The following CASD1 variants were observed in gnomAD, a reference collection of about 807,000 sequenced individuals.
CASD1 encodes N-acetylneuraminate (7)9-O-acetyltransferase.
CASD1 carries 41 observed loss-of-function variants against 100.0 expected under a neutral mutation model. The ratio of observed to expected loss-of-function variants is 0.41; its 90% confidence interval spans 0.32 to 0.53. CASD1 has a LOEUF of 0.53. Among genes scored for constraint, CASD1 ranks in the 20% least tolerant of loss-of-function variants. The pLI, the probability that CASD1 is intolerant of heterozygous loss-of-function variation, is 0.25. For synonymous variants in CASD1, 321 were observed against 315.6 expected, an observed-to-expected ratio of 1.02 and a Z score of -0.18; for missense variants, 774 against 948.7, an observed-to-expected ratio of 0.82 and a Z score of 2.42.
the CASD1 span, among the ~76,000 whole-genome samples, chr7:94,579,364 A>T: frequency 1.3e-5 from 2 of 152,156 alleles, no homozygotes; most frequent in Admixed American, 6.5e-5. Flanking sequence ...TCACATAAAA[A>T]TTAAACATAA....
At chr7:94,628,094 C>A in the CASD1 span, 3 of 780,454 alleles carry the variant, frequency 3.8e-6, no homozygotes, top group Admixed American at 4.2e-5. Context: ...TAAAAACCAC[C>A]ATCAGGTAAC....
chr7:94,583,246 AT>A, the CASD1 span, among the ~76,000 whole-genome samples: 23 of 152,250 alleles, frequency 1.5e-4, no homozygotes, highest in African/African-American at 5.5e-4. Flanking sequence ...TGAATTTTTA[AT>A]GCATACTTTG....
the CASD1 span, chr7:94,619,870 C>T: frequency 4.6e-5 from 7 of 152,074 alleles, no homozygotes; most frequent in Non-Finnish European, 1.0e-4. Flanking sequence ...CCTTGTACGA[C>T]TTTTATCTAT....
At chr7:94,554,278 A>C in intron 16 of CASD1, 1 of 445,154 alleles carries the variant, frequency 2.2e-6, no homozygotes, top group Non-Finnish European at 4.0e-6. Flanking sequence ...GGTATGCAGC[A>C]TACCGACCAT....
chr7:94,624,060 AAC>A, the CASD1 span: 1 of 395,022 alleles, frequency 2.5e-6, no homozygotes, highest in South Asian at 1.4e-4. Context: ...CAGTGCAAAC[AAC>A]ACACAAAGCA....
chr7:94,605,558 C>T, the CASD1 span, among the ~76,000 whole-genome samples: 2 of 151,892 alleles, frequency 1.3e-5, no homozygotes, highest in African/African-American at 4.8e-5. Context: ...ATTATTTTAT[C>T]ATAAGATACC....
At chr7:94,566,897 A>T in the CASD1 span, among the ~76,000 whole-genome samples, 1 of 152,152 alleles carries the variant, frequency 6.6e-6, no homozygotes, top group Non-Finnish European at 1.5e-5. Context: ...CCCTCGGCTC[A>T]TCATGGTGTG....
the CASD1 span, among the ~76,000 whole-genome samples, chr7:94,606,726 T>A: frequency 6.6e-6 from 1 of 152,072 alleles, no homozygotes; most frequent in African/African-American, 2.4e-5. Flanking sequence ...CCATAAAAAA[T>A]TAACAAATTT....
chr7:94,515,132 A>G (rs1314993935), intron 1 of CASD1, among the ~76,000 whole-genome samples: 1 of 151,948 alleles, frequency 6.6e-6, no homozygotes, highest in Admixed American at 6.6e-5. Flanking sequence ...TTGCTTTTTC[A>G]GTTGTCTACT....
At chr7:94,559,436 C>T (rs1300549970), downstream of CASD1, among the ~76,000 whole-genome samples, 3 of 151,886 alleles carry the variant, frequency 2.0e-5, no homozygotes, top group Admixed American at 2.0e-4. Flanking sequence ...GAATAAAATA[C>T]CCTTTGTCTT....
At chr7:94,580,069 A>T in the CASD1 span, among the ~76,000 whole-genome samples, 1 of 152,136 alleles carries the variant, frequency 6.6e-6, no homozygotes, top group African/African-American at 2.4e-5. Context: ...TCCCACCACT[A>T]TCCGAGTCAA....
chr7:94,571,870 CAA>C, the CASD1 span, among the ~76,000 whole-genome samples: 24,294 of 141,860 alleles, frequency 0.17, 1,982 homozygotes, highest in East Asian at 0.3. Flanking sequence ...ACTAAAACCT[CAA>C]AAAAAAAAAA....
the CASD1 span, among the ~76,000 whole-genome samples, chr7:94,613,909 A>G: frequency 6.6e-6 from 1 of 152,248 alleles, no homozygotes; most frequent in East Asian, 1.9e-4. Context: ...CATACCTGCA[A>G]TTAATCAATC....
the CASD1 span, among the ~76,000 whole-genome samples, chr7:94,630,556 A>C: frequency 2.0e-5 from 3 of 152,114 alleles, no homozygotes; most frequent in African/African-American, 7.2e-5. Flanking sequence ...AAGTGAAATA[A>C]GCAAATTTCA....
chr7:94,544,626 G>A (rs922508023), intron 11 of CASD1, 96 bp downstream of exon 11: 3 of 1,257,936 alleles, frequency 2.4e-6, no homozygotes, highest in Non-Finnish European at 3.2e-6. Context: ...GTCATTATAA[G>A]ACTGAATAAT....
chr7:94,510,826 C>A (rs1225763748), intron 1 of CASD1, among the ~76,000 whole-genome samples: 4 of 152,250 alleles, frequency 2.6e-5, no homozygotes, highest in East Asian at 1.9e-4. Flanking sequence ...GAGGTGCCAC[C>A]CAGCTTTTGT....
At chr7:94,619,756 T>C in the CASD1 span, 1 of 152,216 alleles carries the variant, frequency 6.6e-6, no homozygotes, top group Non-Finnish European at 1.5e-5. Flanking sequence ...CATTTAATTC[T>C]CACAACAAGA....
At chr7:94,612,169 G>T in the CASD1 span, among the ~76,000 whole-genome samples, 1 of 152,032 alleles carries the variant, frequency 6.6e-6, no homozygotes, top group African/African-American at 2.4e-5. Flanking sequence ...ACAAGACATT[G>T]ATTTGTATTT....
At chr7:94,600,819 C>G in the CASD1 span, 1 of 1,612,730 alleles carries the variant, frequency 6.2e-7, no homozygotes, top group Non-Finnish European at 8.5e-7. Context: ...CTCCACGAAT[C>G]ACTTCCTGAT....
Sources: allele counts gnomAD v4.1 joint callset (sites outside exome capture counted in the v4.1 genomes callset), GRCh38; gene constraint gnomAD v4.1.1; transcripts MANE v1.5; gene names NCBI Gene and HGNC (gene_info 2026-07-23, HGNC 2026-07-21).